The following FGD6 variants were observed in gnomAD, a reference collection of about 807,000 sequenced individuals.
FGD6 encodes FYVE, RhoGEF and PH domain containing 6, also known as FYVE, RhoGEF and PH domain-containing protein 6.
In FGD6, 90 loss-of-function variants were observed where a neutral mutation model predicts 149.4. The observed-to-expected ratio is 0.60, with a 90% CI of 0.51 to 0.72. FGD6 has a LOEUF of 0.72. FGD6 is among the 30% of genes least tolerant of loss of function. The probability of loss-of-function intolerance (pLI) is 0.00; values close to 1 mark genes in which losing one functional copy is unlikely to be tolerated. For synonymous variants in FGD6, 527 were observed against 584.0 expected (o/e 0.90, Z 1.41); for missense variants, 1,437 against 1,684.8 (o/e 0.85, Z 2.57).
intron 17 of FGD6, among the ~76,000 whole-genome samples, chr12:95,091,005 G>A (rs1878037084): frequency 6.6e-6 from 1 of 152,192 alleles, no homozygotes; most frequent in Non-Finnish European, 1.5e-5. Flanking sequence ...AGGAGGCTGA[G>A]GTACGAGAAT....
rs756890516 is a variant in FGD6 at position 95,084,485 on chromosome 12, C to A, written c.4256+13G>T. The A allele has an allele frequency of 6.6e-7, 1 of 1,514,170 alleles. No homozygotes were observed. The highest frequency in any genetic ancestry group is 8.8e-7 in the Non-Finnish European group (1 of 1,137,854). The allele number at this position is 1,514,170 out of a possible 1,614,324, so 93.8% of individuals were successfully genotyped here. ...TCTCATGAATAAAAGAAAAATATGG[C>A]CAGATTACTTACTTCTGAGCCGAAT... On this transcript the variant is annotated intron_variant, in intron 20 of 20. Transcript: ENST00000343958.
intron 2 of FGD6, among the ~76,000 whole-genome samples, chr12:95,184,691 C>T (rs767624650): frequency 5.9e-5 from 9 of 151,318 alleles, no homozygotes; most frequent in African/African-American, 9.7e-5. Flanking sequence ...AAGCGATTCT[C>T]GCGCCTCAGC....
At chr12:95,194,916 A>G (rs921316893) in intron 2 of FGD6, among the ~76,000 whole-genome samples, 8 of 152,160 alleles carry the variant, frequency 5.3e-5, no homozygotes, top group Admixed American at 2.6e-4. Flanking sequence ...TAAACATTTC[A>G]ATTAAAAACA....
rs367872575 is a variant in FGD6, at chr12:95,152,101, T to C, written c.2685+710A>G. Among the ~76,000 whole-genome samples the C allele has an allele frequency of 1.4e-4, 21 of 152,194 alleles. No homozygotes were observed. The East Asian group carries it at 1.5e-3, about 11-fold the overall frequency. On this transcript the variant is annotated intron_variant, in intron 5 of 20. Transcript: ENST00000343958. ...AGCACTTTAGGAGGCCAAGGCGGGT[T>C]GATCACTTGAGCCCATGAGTTTGAG... is the stretch of plus-strand genomic sequence containing the variant.
In FGD6 at chr12:95,210,245, T is replaced by C. The variant is rs766147719; in HGVS notation, c.1039A>G (p.Ser347Gly). Residue 347 changes from serine to glycine, a missense_variant, in exon 2 of 21, where the codon AGC becomes GGC. Coordinates refer to ENST00000343958, the MANE Select transcript of FGD6 (RefSeq NM_018351.4). ...STEEPGNSDS[S>G]SSCLTENSLK... ...CTATTTTCAGTAAGACAGGAAGAGC[T>C]ACTGTCTGAATTCCCCGGTTCTTCA... 6.2e-7 allele frequency: 1 copy of C among 1,614,216 alleles called. No homozygotes were observed. The highest frequency in any genetic ancestry group is 8.5e-7 in the Non-Finnish European group (1 of 1,180,056).
At chr12:95,088,497 T>G (rs914163412) in intron 18 of FGD6, among the ~76,000 whole-genome samples, 7 of 152,170 alleles carry the variant, frequency 4.6e-5, no homozygotes, top group Non-Finnish European at 8.8e-5. Context: ...ATTTTAAACA[T>G]TACTAGAATA....
rs749602625 is a variant in FGD6, at chr12:95,137,693, G to A, written c.2838-15C>T. 2.0e-6 allele frequency: 3 copies of A among 1,533,018 alleles called. No individual in the cohort carries two copies. Among genetic ancestry groups the A allele is most frequent in the Non-Finnish European group, 8.8e-7 (1 of 1,139,702 alleles). The allele number at this position is 1,533,018 out of a possible 1,614,324, so 95.0% of individuals were successfully genotyped here. Reference sequence around the variant, plus strand: ...GTTGTTCAGTCCTATGGATAGAGAAGAGATACACAAAAAAATATAAAGAGA... The same window carrying A: ...GTTGTTCAGTCCTATGGATAGAGAAAAGATACACAAAAAAATATAAAGAGA... On this transcript the variant is annotated splice_polypyrimidine_tract_variant and intron_variant, in intron 6 of 20. Transcript: ENST00000343958.
intron 6 of FGD6, 124 bp from the exon 7 acceptor site, chr12:95,137,802 T>C (rs915177582): frequency 2.7e-5 from 16 of 597,434 alleles, no homozygotes; most frequent in Admixed American, 2.0e-4. Context: ...AAGACATACC[T>C]CAAAATGCCT....
At chr12:95,133,757 T>G (rs1158442385) in intron 8 of FGD6, among the ~76,000 whole-genome samples, 1 of 152,144 alleles carries the variant, frequency 6.6e-6, no homozygotes, top group East Asian at 1.9e-4. Context: ...GAGACCCTAG[T>G]AGTAGGTGTT....
At position 95,211,190 on chromosome 12, in the gene FGD6, G is replaced by A. The variant is rs1210135928; in HGVS notation, c.94C>T (p.Pro32Ser). Residue 32 changes from proline to serine, a missense_variant, in exon 2 of 21, where the codon CCT becomes TCT. Pro to Ser is a moderately conservative substitution (Grantham distance 74, BLOSUM62 -1). This residue lies in a region of FGD6 where 1,055 missense variants were observed against 1,146.0 expected (regional missense o/e 0.92). Transcript: ENST00000343958. ...NNKPAPPPIA[P>S]KPDIVISSVP... ...CTAGAAATCACAATGTCGGGTTTAGGTGCAATAGGAGGTGGGGCTGGCTTA... is the reference window on the plus strand; with the variant it reads ...CTAGAAATCACAATGTCGGGTTTAGATGCAATAGGAGGTGGGGCTGGCTTA... 1.2e-6 allele frequency: 2 copies of A among 1,613,710 alleles called. No homozygotes were observed. The highest frequency in any genetic ancestry group is 1.7e-5 in the Admixed American group (1 of 59,984).
intron 2 of FGD6, among the ~76,000 whole-genome samples, chr12:95,188,407 T>C (rs957962410): frequency 1.3e-5 from 2 of 152,064 alleles, no homozygotes; most frequent in Non-Finnish European, 2.9e-5. Flanking sequence ...GTAGAGGACA[T>C]GTTACCACAG....
chr12:95,153,617 C>A (rs972532199), intron 3 of FGD6, among the ~76,000 whole-genome samples: 1 of 152,032 alleles, frequency 6.6e-6, no homozygotes, highest in Non-Finnish European at 1.5e-5. Flanking sequence ...GCCGAGATCG[C>A]GCCATTGCAC....
intron 8 of FGD6, among the ~76,000 whole-genome samples, chr12:95,128,513 G>A (rs10859837): frequency 0.19 from 29,075 of 152,146 alleles, 3,141 homozygotes; most frequent in African/African-American, 0.29. Context: ...TTACAGGCAC[G>A]AGCCACCATG....
intron 5 of FGD6, among the ~76,000 whole-genome samples, chr12:95,146,100 C>T (rs1880008274): frequency 1.3e-5 from 2 of 152,134 alleles, no homozygotes. Context: ...CAGCCCTGGC[C>T]CCAGTCTCAT....
At chr12:95,119,677 T>A (rs1879128147) in intron 8 of FGD6, among the ~76,000 whole-genome samples, 1 of 152,210 alleles carries the variant, frequency 6.6e-6, no homozygotes, top group Non-Finnish European at 1.5e-5. Flanking sequence ...ACACCTGTAA[T>A]CTCAGAACTT....
Position 95,209,947 on chromosome 12 carries a change from A to T in FGD6, c.1337T>A (p.Phe446Tyr), listed in dbSNP as rs534742152. The stretch of plus-strand genomic sequence containing the variant: ...GCTCATAGATACAGTACATCTTATA[A>T]AACCGGTCCCTTCGTCCACAGCAAG... ...MSLAVDEGTG[F>Y]IRCTVSMSLP... The change falls in exon 2 of 21, where the codon TTT becomes TAT. Residue 446 changes from phenylalanine (F) to tyrosine (Y), a missense_variant. By Grantham distance (22) the Phe-to-Tyr change is conservative (BLOSUM62 3). Coordinates refer to ENST00000343958, the MANE Select transcript of FGD6 (RefSeq NM_018351.4). 1 of 1,612,172 alleles carries T rather than the reference A, an allele frequency of 6.2e-7. No individual in the cohort carries two copies. The highest frequency in any genetic ancestry group is 8.5e-7 in the Non-Finnish European group (1 of 1,179,446).
At chr12:95,116,349 A>G (rs763909134) in intron 8 of FGD6, among the ~76,000 whole-genome samples, 2 of 152,158 alleles carry the variant, frequency 1.3e-5, no homozygotes, top group Non-Finnish European at 2.9e-5. Context: ...GATAGTTACT[A>G]TATCTTGTTG....
rs117855820 is a variant in FGD6, at chr12:95,190,767, T to G, written c.2442-18023A>C. Among the ~76,000 whole-genome samples the G allele has an allele frequency of 2.1e-3, 313 of 152,224 alleles. 12 individuals are homozygous for G. In the East Asian group the frequency reaches 0.056, roughly 27 times the overall value. ...TATTTCCCCACATATGTAAAAATTT[T>G]GGGCGAGGCATGGTGGCTCACACCT... On this transcript the variant is annotated intron_variant, in intron 2 of 20. Transcript: ENST00000343958.
At chr12:95,083,034 CACACAT>C (rs1877749252) in intron 20 of FGD6, among the ~76,000 whole-genome samples, 1 of 69,670 alleles carries the variant, frequency 1.4e-5, no homozygotes, top group African/African-American at 6.0e-5. Flanking sequence ...TATATATACA[CACACAT>C]ACACACACAC....
Sources: gnomAD v4.1 joint callset for allele counts (sites outside exome capture counted in the v4.1 genomes callset) on GRCh38, gnomAD v4.1.1 for gene constraint, gnomAD v4.1.1 regional missense constraint, MANE v1.5 for transcripts, NCBI Gene and HGNC (gene_info 2026-07-23, HGNC 2026-07-21) for gene names.